Variants in SCLT1 observed in about 807,000 individuals in gnomAD.
SCLT1 encodes sodium channel and clathrin linker 1.
SCLT1 carries 78 observed loss-of-function variants against 112.8 expected under a neutral mutation model. The observed-to-expected ratio is 0.69, with a 90% CI of 0.58 to 0.83. SCLT1 has a LOEUF of 0.83. Among genes scored for constraint, SCLT1 ranks in the 40% least tolerant of loss-of-function variants. The probability of loss-of-function intolerance (pLI) is 0.00; values close to 1 mark genes in which losing one functional copy is unlikely to be tolerated. For missense variants in SCLT1, 747 were observed against 770.4 expected (o/e 0.97, Z 0.36); for synonymous variants, 257 against 254.7 (o/e 1.01, Z -0.09).
intron 5 of SCLT1, among the ~76,000 whole-genome samples, chr4:129,036,279 G>A (rs988274908): frequency 6.6e-5 from 10 of 151,894 alleles, no homozygotes; most frequent in African/African-American, 1.2e-4. Context: ...CTGAATTACC[G>A]TTAAATAGGT....
At chr4:128,893,519 T>C (rs1041718766) in intron 18 of SCLT1, among the ~76,000 whole-genome samples, 1 of 152,126 alleles carries the variant, frequency 6.6e-6, no homozygotes, top group Non-Finnish European at 1.5e-5. Flanking sequence ...TAATTTAATA[T>C]TTAGTTTGCA....
intron 9 of SCLT1, among the ~76,000 whole-genome samples, chr4:128,973,996 A>G (rs1298356552): frequency 2.0e-5 from 3 of 152,236 alleles, no homozygotes; most frequent in African/African-American, 4.8e-5. Flanking sequence ...CACAAAAGGT[A>G]TGTGAACTGG....
At chr4:128,986,154 A>T in intron 9 of SCLT1, among the ~76,000 whole-genome samples, 1 of 152,018 alleles carries the variant, frequency 6.6e-6, no homozygotes, top group East Asian at 1.9e-4. Context: ...GTGGACAGAT[A>T]ATTTGTGTGC....
At chr4:128,935,669 C>G (rs1289501380) in intron 18 of SCLT1, among the ~76,000 whole-genome samples, 1 of 151,916 alleles carries the variant, frequency 6.6e-6, no homozygotes, top group Non-Finnish European at 1.5e-5. Context: ...TTGCTTATTC[C>G]TTTTCTGAAT....
intron 16 of SCLT1, among the ~76,000 whole-genome samples, chr4:128,945,369 T>C (rs1228068349): frequency 2.0e-5 from 3 of 152,186 alleles, no homozygotes; most frequent in Non-Finnish European, 4.4e-5. Context: ...GAAGTAATCA[T>C]ATGAGCAGAT....
chr4:129,001,560 C>A (rs1406004634), intron 6 of SCLT1, among the ~76,000 whole-genome samples: 1 of 151,876 alleles, frequency 6.6e-6, no homozygotes, highest in Non-Finnish European at 1.5e-5. Flanking sequence ...TTCTTTAGAA[C>A]AAATTCATAA....
chr4:128,984,483 T>C (rs1741925942), intron 9 of SCLT1, among the ~76,000 whole-genome samples: 1 of 152,206 alleles, frequency 6.6e-6, no homozygotes, highest in African/African-American at 2.4e-5. Context: ...AGATGAACAT[T>C]AAGATACCTT....
chr4:128,997,084 C>G (rs571160896), intron 8 of SCLT1: 1 of 151,890 alleles, frequency 6.6e-6, no homozygotes, highest in South Asian at 2.1e-4. Flanking sequence ...AATATAGTAT[C>G]AAAAACTGTA....
chr4:128,995,170 G>A (rs1172496521), intron 8 of SCLT1, among the ~76,000 whole-genome samples: 3 of 152,092 alleles, frequency 2.0e-5, no homozygotes, highest in Non-Finnish European at 4.4e-5. Flanking sequence ...TTAGATTTAA[G>A]TCTTTAATCC....
At chr4:128,975,153 C>T (rs1286271222) in intron 9 of SCLT1, among the ~76,000 whole-genome samples, 2 of 150,830 alleles carry the variant, frequency 1.3e-5, no homozygotes, top group Non-Finnish European at 2.9e-5. Context: ...ATTCTCTTGC[C>T]TCAGCCTCCT....
At chr4:128,906,537 T>C (rs1313420759) in intron 18 of SCLT1, among the ~76,000 whole-genome samples, 1 of 152,126 alleles carries the variant, frequency 6.6e-6, no homozygotes, top group East Asian at 1.9e-4. Flanking sequence ...ATATAATAAA[T>C]TTGGGAGATT....
intron 11 of SCLT1, among the ~76,000 whole-genome samples, chr4:128,961,805 A>G (rs1739760119): frequency 6.6e-6 from 1 of 152,254 alleles, no homozygotes; most frequent in Non-Finnish European, 1.5e-5. Context: ...CCAAATCAAC[A>G]AATAGTATAA....
intron 9 of SCLT1, among the ~76,000 whole-genome samples, chr4:128,987,807 A>C (rs1742232303): frequency 6.6e-6 from 1 of 152,188 alleles, no homozygotes; most frequent in South Asian, 2.1e-4. Flanking sequence ...AAACCCACAG[A>C]AAGATATGAC....
chr4:128,898,296 A>G (rs1259729221), intron 18 of SCLT1, among the ~76,000 whole-genome samples: 2 of 152,242 alleles, frequency 1.3e-5, no homozygotes, highest in Admixed American at 1.3e-4. Flanking sequence ...CAGCAAATGT[A>G]AAAGAGCAGA....
chr4:129,076,925 A>G (rs1405092454), intron 2 of SCLT1, among the ~76,000 whole-genome samples: 1 of 152,144 alleles, frequency 6.6e-6, no homozygotes, highest in East Asian at 1.9e-4. Flanking sequence ...TTTAAAAGTT[A>G]CATACAAATG....
At chr4:128,883,722 GA>G (rs1437052827), downstream of SCLT1, among the ~76,000 whole-genome samples, 3 of 152,088 alleles carry the variant, frequency 2.0e-5, no homozygotes, top group African/African-American at 7.2e-5. Context: ...TGGTTATCCA[GA>G]TGCAAACCTC....
intron 18 of SCLT1, 74 bp downstream of exon 18, chr4:128,936,581 A>T: frequency 1.2e-6 from 1 of 831,406 alleles, no homozygotes; most frequent in Non-Finnish European, 1.8e-6. Context: ...AAAAAAGATT[A>T]TGGCAAGGAC....
At chr4:128,957,220 A>T (rs190947251) in intron 12 of SCLT1, 96 bp from the exon 13 acceptor site, 1 of 631,226 alleles carries the variant, frequency 1.6e-6, no homozygotes, top group African/African-American at 1.9e-5. Context: ...CCTTATTCAA[A>T]ACTTCTGGGA....
In SCLT1 at chr4:128,900,437, T is replaced by C. The variant is rs1287750271; in HGVS notation, c.1830-9300A>G. Among the ~76,000 whole-genome samples, 8 of 152,248 alleles carry C rather than the reference T, an allele frequency of 5.3e-5. 1 individual carries two copies. The East Asian group carries it at 1.4e-3, about 26-fold the overall frequency. On this transcript the variant is annotated intron_variant, in intron 18 of 20. Transcript: ENST00000281142. ...AACAAGCAATGGGGAAAGGATTCCCTATTTAATAAATGGTGCTGGGAAAAC... is the reference window on the plus strand; with the variant it reads ...AACAAGCAATGGGGAAAGGATTCCCCATTTAATAAATGGTGCTGGGAAAAC...
Sources: allele counts gnomAD v4.1 joint callset (sites outside exome capture counted in the v4.1 genomes callset), GRCh38; gene constraint gnomAD v4.1.1; transcripts MANE v1.5; gene names NCBI Gene and HGNC (gene_info 2026-07-23, HGNC 2026-07-21).